Variants in ZCCHC4 observed in about 807,000 individuals in gnomAD.
ZCCHC4 encodes zinc finger CCHC-type containing 4.
A neutral mutation model predicts 67.7 loss-of-function variants in ZCCHC4; 54 were observed. The observed-to-expected ratio is 0.80, with a 90% CI of 0.64 to 1.00. The LOEUF is 1.00. Ranked by LOEUF, ZCCHC4 falls within the 50% of genes least tolerant of loss-of-function variation. The pLI is 0.00. For missense variants in ZCCHC4, 609 were observed against 617.0 expected, an observed-to-expected ratio of 0.99 and a Z score of 0.14; for synonymous variants, 198 against 213.5, an observed-to-expected ratio of 0.93 and a Z score of 0.63.
At chr4:25,357,116 T>C (rs1720549974) in intron 8 of ZCCHC4, among the ~76,000 whole-genome samples, 1 of 152,192 alleles carries the variant, frequency 6.6e-6, no homozygotes, top group Non-Finnish European at 1.5e-5. Flanking sequence ...CTTCCAACCA[T>C]TGGTCCTAGT....
rs745366341 is a variant in ZCCHC4, at chr4:25,314,105, G to A, written c.187G>A (p.Ala63Thr). Residue 63 changes from alanine to threonine, a missense_variant, in exon 2 of 13, where the codon GCC becomes ACC. Ala to Thr is a moderately conservative substitution (Grantham distance 58). Coordinates refer to ENST00000302874, the MANE Select transcript of ZCCHC4 (RefSeq NM_024936.3). ...GAAAGAAGAAACTCGGAGGTTTTATGCCTGTTCAGCCTGTAGAGATAGAAA... is the reference window on the plus strand; with the variant it reads ...GAAAGAAGAAACTCGGAGGTTTTATACCTGTTCAGCCTGTAGAGATAGAAA... ...QGKEETRRFY[A>T]CSACRDRKDC... The A allele has an allele frequency of 1.9e-6, 3 of 1,607,440 alleles. No individual in the cohort carries two copies. The highest frequency in any genetic ancestry group is 1.4e-5 in the African/African-American group (1 of 73,842).
In ZCCHC4 at chr4:25,317,281, T is replaced by C. The variant is rs562383051; in HGVS notation, c.329+1881T>C. On this transcript the variant is annotated intron_variant, in intron 3 of 12. Transcript: ENST00000302874. ...TTTTCCTGAGCTGTTTAGTAGTAGA[T>C]TTTAAAGTCATTTGATACAGGAGGC... Among the ~76,000 whole-genome samples the C allele has an allele frequency of 9.2e-4, 140 of 152,298 alleles. 1 individual carries two copies. The highest frequency in any genetic ancestry group is 3.4e-3 in the Middle Eastern group (1 of 294).
intron 5 of ZCCHC4, among the ~76,000 whole-genome samples, chr4:25,341,446 C>T (rs981638529): frequency 1.3e-5 from 2 of 152,090 alleles, no homozygotes; most frequent in Non-Finnish European, 2.9e-5. Context: ...GAGCTTGGCA[C>T]CTGCTCCTCT....
Position 25,333,293 on chromosome 4 carries a change from G to A in ZCCHC4, c.440G>A (p.Gly147Asp). ...CAACATAGTGAGCATCAGGTTCTGG[G>A]TAATGTGTCCATTACCCAGTTAAGA... ...WGQHSEHQVLGNVSITQLRRP... is the reference protein window; with the variant it reads ...WGQHSEHQVLDNVSITQLRRP... Residue 147 changes from glycine (G) to aspartate (D), a missense_variant, in exon 4 of 13, where the codon GGT becomes GAT. Physicochemically the swap from Gly to Asp is moderately conservative, Grantham distance 94. Transcript: ENST00000302874. The A allele has an allele frequency of 6.2e-7, 1 of 1,614,100 alleles. No individual in the cohort carries two copies. Among genetic ancestry groups the A allele is most frequent in the Non-Finnish European group, 8.5e-7 (1 of 1,180,008 alleles).
intron 8 of ZCCHC4, among the ~76,000 whole-genome samples, chr4:25,357,435 T>A (rs181930078): frequency 4.9e-4 from 74 of 152,338 alleles, no homozygotes; most frequent in African/African-American, 1.7e-3. Flanking sequence ...TACACAGTTA[T>A]GCTGGACTGC....
intron 3 of ZCCHC4, among the ~76,000 whole-genome samples, chr4:25,326,025 C>T (rs1003918487): frequency 6.6e-6 from 1 of 152,234 alleles, no homozygotes; most frequent in South Asian, 2.1e-4. Context: ...GCTGGAGCAA[C>T]TTACCACAAG....
chr4:25,360,656 T>G (rs1012286580), intron 8 of ZCCHC4, among the ~76,000 whole-genome samples: 1 of 152,292 alleles, frequency 6.6e-6, no homozygotes, highest in East Asian at 1.9e-4. Context: ...CAGCAGAGTA[T>G]GCTGAGTACA....
At chr4:25,346,618 C>T (rs933655875) in intron 6 of ZCCHC4, among the ~76,000 whole-genome samples, 1 of 152,016 alleles carries the variant, frequency 6.6e-6, no homozygotes, top group Admixed American at 6.6e-5. Flanking sequence ...AAATGAGTCC[C>T]CTGATTTAGT....
At chr4:25,348,910 G>A (rs1287950645) in intron 6 of ZCCHC4, among the ~76,000 whole-genome samples, 1 of 152,216 alleles carries the variant, frequency 6.6e-6, no homozygotes, top group Non-Finnish European at 1.5e-5. Flanking sequence ...GGGAAAATGT[G>A]TTAATAGCAT....
At chr4:25,344,071 G>C (rs1256940823) in intron 5 of ZCCHC4, among the ~76,000 whole-genome samples, 3 of 152,066 alleles carry the variant, frequency 2.0e-5, no homozygotes, top group African/African-American at 7.2e-5. Context: ...ACATAAATGG[G>C]GAAAACATAT....
chr4:25,365,728 G>A (rs1720915252), intron 12 of ZCCHC4: 2 of 985,186 alleles, frequency 2.0e-6, no homozygotes, highest in Non-Finnish European at 2.4e-6. Flanking sequence ...ATATTTGATT[G>A]GAGCTATGGA....
chr4:25,359,582 G>A lies in ZCCHC4; in HGVS notation c.1012-2277G>A, dbSNP rs1720642714. On this transcript the variant is annotated intron_variant, in intron 8 of 12. Transcript: ENST00000302874. The surrounding 1 kb of genome is among the most constrained non-coding windows in gnomAD (Gnocchi z 4.9). The stretch of plus-strand genomic sequence containing the variant: ...AGGGAAAGATGCCCCACCTGCAGGG[G>A]TGCCCCCAATGGGAGAAAAGGGGGT... Among the ~76,000 whole-genome samples the A allele has an allele frequency of 6.6e-6, 1 of 152,208 alleles. No homozygotes were observed. Among genetic ancestry groups the A allele is most frequent in the Non-Finnish European group, 1.5e-5 (1 of 68,032 alleles).
At chr4:25,351,501 A>G (rs1320450668) in intron 7 of ZCCHC4, 88 bp from the exon 8 acceptor site, 2 of 834,238 alleles carry the variant, frequency 2.4e-6, no homozygotes, top group African/African-American at 3.5e-5. Context: ...AATCATTGCA[A>G]TTTCTTATGC....
In ZCCHC4 at chr4:25,361,926, T is replaced by C; in HGVS notation, c.1079T>C (p.Ile360Thr). 4 of 1,614,058 alleles carry C rather than the reference T, an allele frequency of 2.5e-6. No homozygotes were observed. Among genetic ancestry groups the C allele is most frequent in the Non-Finnish European group, 3.4e-6 (4 of 1,179,966 alleles). Residue 360 changes from isoleucine to threonine, a missense_variant, in exon 9 of 13, where the codon ATT (isoleucine) becomes ACT (threonine). By Grantham distance (89) the Ile-to-Thr change is moderately conservative. Coordinates refer to ENST00000302874, the MANE Select transcript of ZCCHC4 (RefSeq NM_024936.3). ...GGTCGAAAACAGTCTCCCGTGCGTA[T>C]TTTCACCAACATTCCGCCCAACAAA... ...KTGRKQSPVR[I>T]FTNIPPNKII...
At chr4:25,348,451 G>A (rs1720128964) in intron 6 of ZCCHC4, among the ~76,000 whole-genome samples, 1 of 152,080 alleles carries the variant, frequency 6.6e-6, no homozygotes, top group African/African-American at 2.4e-5. Flanking sequence ...TGTGGGTTCT[G>A]CATCTGTGGA....
intron 3 of ZCCHC4, among the ~76,000 whole-genome samples, chr4:25,320,432 AT>A (rs537538773): frequency 5.0e-4 from 76 of 152,326 alleles, no homozygotes; most frequent in Admixed American, 4.5e-3. Flanking sequence ...CATAAACATA[AT>A]TTGTGTACTC....
At chr4:25,313,993 C>T (rs1289887182) in intron 1 of ZCCHC4, 53 bp from the exon 2 acceptor site, 2 of 1,157,184 alleles carry the variant, frequency 1.7e-6, no homozygotes, top group East Asian at 2.4e-5. Context: ...AAGAACTTGA[C>T]GTAGATGACC....
chr4:25,354,663 A>G lies in ZCCHC4; in HGVS notation c.1011+2974A>G, dbSNP rs148800595. On this transcript the variant is annotated intron_variant, in intron 8 of 12. Transcript: ENST00000302874. Reference sequence around the variant, plus strand: ...TTTCTTTTGTTACTTTAACTTCATTAAAATTTTTTTTTTAAATAGTGATGG... The same window carrying G: ...TTTCTTTTGTTACTTTAACTTCATTGAAATTTTTTTTTTAAATAGTGATGG... Among the ~76,000 whole-genome samples, 570 of 152,014 alleles carry G rather than the reference A, an allele frequency of 3.7e-3. 5 individuals carry two copies. The highest frequency in any genetic ancestry group is 0.013 in the African/African-American group (551 of 41,472).
At chr4:25,340,545 T>G (rs1719701602) in intron 5 of ZCCHC4, among the ~76,000 whole-genome samples, 1 of 152,196 alleles carries the variant, frequency 6.6e-6, no homozygotes, top group Non-Finnish European at 1.5e-5. Context: ...CAGCTGAGAT[T>G]TTTAAAGGGA....
Sources: allele counts gnomAD v4.1 joint callset (sites outside exome capture counted in the v4.1 genomes callset), GRCh38; gene constraint gnomAD v4.1.1; non-coding constraint Gnocchi (gnomAD v3.1); transcripts MANE v1.5; gene names NCBI Gene and HGNC (gene_info 2026-07-23, HGNC 2026-07-21).